The following ANKRD60 variants were observed in gnomAD, a reference collection of about 807,000 sequenced individuals.
The protein encoded by ANKRD60 is ankyrin repeat domain-containing protein 60.
In ANKRD60, 24 loss-of-function variants were observed where a neutral mutation model predicts 21.3. The observed-to-expected ratio is 1.13, with a 90% CI of 0.82 to 1.59. The LOEUF (loss-of-function observed/expected upper bound fraction) is 1.59. Ranked by LOEUF, ANKRD60 falls within the 40% of genes most tolerant of loss-of-function variation. The probability of loss-of-function intolerance (pLI) is 0.00; values close to 1 mark genes in which losing one functional copy is unlikely to be tolerated. For missense variants in ANKRD60, 490 were observed against 466.7 expected (o/e 1.05, Z -0.46); for synonymous variants, 182 against 199.4 (o/e 0.91, Z 0.74).
chr20:58,219,455 C>G (rs557151669), intron 3 of ANKRD60, among the ~76,000 whole-genome samples: 3 of 152,126 alleles, frequency 2.0e-5, no homozygotes, highest in Non-Finnish European at 2.9e-5. Flanking sequence ...GTTCTCATCC[C>G]GAGCACATAG....
At chr20:58,217,998 G>C (rs966736309), downstream of ANKRD60, among the ~76,000 whole-genome samples, 7 of 152,154 alleles carry the variant, frequency 4.6e-5, no homozygotes, top group Non-Finnish European at 8.8e-5. Context: ...ACCCCTCAAA[G>C]ATGGCTCAGG....
Position 58,228,586 on chromosome 20 carries a change from C to T in ANKRD60, c.68G>A (p.Gly23Glu). 1 of 1,147,854 alleles carries T rather than the reference C, an allele frequency of 8.7e-7. No homozygotes were observed. The highest frequency in any genetic ancestry group is 3.6e-4 in the Middle Eastern group (1 of 2,770). 71.1% of individuals were successfully genotyped at this position (1,147,854 alleles called of 1,614,324 possible). The change falls in exon 1 of 4, where the codon GGG (glycine) becomes GAG (glutamate). Residue 23 changes from glycine to glutamate, a missense_variant. Physicochemically the swap from Gly to Glu is moderately conservative, Grantham distance 98. Coordinates refer to ENST00000457363, the Ensembl canonical transcript of ANKRD60. This position sits in a 1 kb window ranked among gnomAD's most constrained non-coding sequence, Gnocchi z 5.3. ...CAGGCGAGAGGCGCCCCCAGTTGGC[C>T]CCGCCGCCCGCGCTCCGCCCGCCCC... is the stretch of plus-strand genomic sequence containing the variant.
intron 1 of ANKRD60, among the ~76,000 whole-genome samples, chr20:58,225,576 C>T (rs1001441735): frequency 8.5e-5 from 13 of 152,246 alleles, no homozygotes; most frequent in Middle Eastern, 3.4e-3. Context: ...GAGGGGGAAA[C>T]GGCTCCGAGA....
chr20:58,224,050 C>T (rs555747002), intron 1 of ANKRD60, among the ~76,000 whole-genome samples: 4 of 151,406 alleles, frequency 2.6e-5, no homozygotes, highest in Non-Finnish European at 5.9e-5. Flanking sequence ...TGCAGTGAGC[C>T]AAGATTACAC....
downstream of ANKRD60, among the ~76,000 whole-genome samples, chr20:58,216,290 C>A (rs1239735647): frequency 6.6e-6 from 1 of 152,156 alleles, no homozygotes; most frequent in Non-Finnish European, 1.5e-5. Context: ...AGTTTGGGAC[C>A]TGCCCAATGT....
At chr20:58,222,418 A>C (rs1177441325) in intron 2 of ANKRD60, among the ~76,000 whole-genome samples, 1 of 152,174 alleles carries the variant, frequency 6.6e-6, no homozygotes, top group African/African-American at 2.4e-5. Context: ...TGAGCAAAGA[A>C]ACTCCATCTC....
chr20:58,218,384 C>G (rs143210210), downstream of ANKRD60: 360 of 1,028,890 alleles, frequency 3.5e-4, 2 homozygotes, highest in Middle Eastern at 3.6e-3. Context: ...GTATCTGATT[C>G]AGGTTAATTG....
downstream of ANKRD60, chr20:58,218,362 A>T (rs1455295246): frequency 5.8e-6 from 5 of 863,922 alleles, no homozygotes; most frequent in African/African-American, 8.5e-5. Flanking sequence ...TGCAAACAGG[A>T]CAGATAATTT....
chr20:58,223,222 TTAAAGA>T lies in ANKRD60; in HGVS notation c.431-46_431-41del, dbSNP rs1568837523. 7 of 1,515,880 alleles carry T rather than the reference TTAAAGA, an allele frequency of 4.6e-6. No individual in the cohort carries two copies. In the East Asian group the frequency reaches 1.7e-4, roughly 37 times the overall value. The allele number at this position is 1,515,880 out of a possible 1,614,324, so 93.9% of individuals were successfully genotyped here. A position where few individuals can be genotyped will look rare whatever the true frequency, so the allele number is the denominator to read the frequency against. ...TTTTTTTCTTTTAAAAAATTGGGTA[TTAAAGA>T]TAAACTACTACATTGGTTAAGTTAA... On this transcript the variant is annotated intron_variant, in intron 1 of 3. Transcript: ENST00000457363.
chr20:58,224,174 G>A (rs994201609), intron 1 of ANKRD60, among the ~76,000 whole-genome samples: 1 of 151,880 alleles, frequency 6.6e-6, no homozygotes, highest in Middle Eastern at 3.4e-3. Context: ...AAGAGCCGAC[G>A]TGATGTGAGG....
intron 1 of ANKRD60, among the ~76,000 whole-genome samples, chr20:58,224,624 G>A (rs1984329694): frequency 6.6e-6 from 1 of 152,236 alleles, no homozygotes; most frequent in Admixed American, 6.5e-5. Context: ...AGGGAATAGT[G>A]ATCAGCAAAT....
downstream of ANKRD60, chr20:58,218,488 C>A (rs774041744): frequency 5.2e-6 from 8 of 1,545,312 alleles, no homozygotes; most frequent in South Asian, 9.6e-5. Context: ...AACGTTCCCA[C>A]CAGGAGCTAA....
At position 58,228,472 on chromosome 20, in the gene ANKRD60, A is replaced by G; in HGVS notation, c.182T>C (p.Leu61Pro). Reference sequence around the variant, plus strand: ...GGCACAGGCCAGGGGCTGCGCGGGGAGGGCCCGCGAGTCCGCCGAGCCCAC... The same window carrying G: ...GGCACAGGCCAGGGGCTGCGCGGGGGGGGCCCGCGAGTCCGCCGAGCCCAC... Residue 61 changes from leucine to proline, a missense_variant, in exon 1 of 4, where the codon CTC becomes CCC. Leu to Pro is a moderately conservative substitution (Grantham distance 98, BLOSUM62 -3). Transcript: ENST00000457363. This position sits in a 1 kb window ranked among gnomAD's most constrained non-coding sequence, Gnocchi z 5.3. The G allele has an allele frequency of 6.6e-7, 1 of 1,514,520 alleles. No individual in the cohort carries two copies. Among genetic ancestry groups the G allele is most frequent in the Non-Finnish European group, 8.8e-7 (1 of 1,137,180 alleles). 93.8% of individuals were successfully genotyped at this position (1,514,520 alleles called of 1,614,324 possible). A position where few individuals can be genotyped will look rare whatever the true frequency, so the allele number is the denominator to read the frequency against.
chr20:58,224,679 C>T (rs546057216), intron 1 of ANKRD60, among the ~76,000 whole-genome samples: 16 of 152,138 alleles, frequency 1.1e-4, no homozygotes, highest in Admixed American at 2.0e-4. Context: ...AGAGGATAAC[C>T]GGTAATTAGT....
chr20:58,218,462 C>A, downstream of ANKRD60: 1 of 1,528,626 alleles, frequency 6.5e-7, no homozygotes, highest in Non-Finnish European at 8.8e-7. Flanking sequence ...GTTGCCCAAA[C>A]CAGCCTCAGC....
intron 1 of ANKRD60, among the ~76,000 whole-genome samples, chr20:58,225,170 T>TA (rs1294377768): frequency 9.8e-5 from 15 of 152,344 alleles, no homozygotes; most frequent in African/African-American, 3.6e-4. Context: ...TGTTGAGTGA[T>TA]AGCCCTGTGA....
At chr20:58,219,423 T>TAC (rs1285995748) in intron 3 of ANKRD60, among the ~76,000 whole-genome samples, 2 of 152,228 alleles carry the variant, frequency 1.3e-5, no homozygotes, top group East Asian at 3.9e-4. Context: ...GGGCAGAAAA[T>TAC]ACACACATCT....
Position 58,228,611 on chromosome 20 carries a change from C to T in ANKRD60, c.43G>A (p.Gly15Arg). Residue 15 changes from glycine (G) to arginine (R), a missense_variant, in exon 1 of 4, where the codon GGG becomes AGG. Coordinates refer to ENST00000457363, the Ensembl canonical transcript of ANKRD60. The surrounding 1 kb of genome is among the most constrained non-coding windows in gnomAD (Gnocchi z 5.3). ...CCCGCCGCCCGCGCTCCGCCCGCCC[C>T]CGCCGCCGCCCGCCGCATCCCCCAG... The T allele has an allele frequency of 9.7e-7, 1 of 1,028,484 alleles. No homozygotes were observed. The highest frequency in any genetic ancestry group is 1.2e-6 in the Non-Finnish European group (1 of 855,826). The allele number at this position is 1,028,484 out of a possible 1,614,324, so 63.7% of individuals were successfully genotyped here. A position where few individuals can be genotyped will look rare whatever the true frequency, so the allele number is the denominator to read the frequency against.
rs771308564 is a variant in ANKRD60 at position 58,221,394 on chromosome 20, A to G, written c.671T>C (p.Leu224Ser). The G allele has an allele frequency of 1.9e-6, 3 of 1,552,272 alleles. No individual in the cohort carries two copies. In the African/African-American group the frequency reaches 4.1e-5, roughly 21 times the overall value. The change falls in exon 3 of 4, where the codon TTG (leucine) becomes TCG (serine). Residue 224 changes from leucine (L) to serine (S), a missense_variant. Coordinates refer to ENST00000457363, the Ensembl canonical transcript of ANKRD60. ...GTGGCCTCTGTGTGAGGCCACATAC[A>G]ACGCCACAAACGCCCTCTGAGACGT... is the stretch of plus-strand genomic sequence containing the variant.
Sources: allele counts gnomAD v4.1 joint callset (sites outside exome capture counted in the v4.1 genomes callset), GRCh38; gene constraint gnomAD v4.1.1; non-coding constraint Gnocchi (gnomAD v3.1); transcripts MANE v1.5; gene names NCBI Gene and HGNC (gene_info 2026-07-23, HGNC 2026-07-21).